GTF2F2: variants seen among roughly 807,000 people sequenced by gnomAD.
GTF2F2 encodes ATP-dependent helicase GTF2F2.
A neutral mutation model predicts 42.2 loss-of-function variants in GTF2F2; 23 were observed. The ratio of observed to expected loss-of-function variants is 0.55; its 90% CI spans 0.39 to 0.77. The LOEUF is 0.77. GTF2F2 is among the 30% of genes least tolerant of loss of function. The pLI is 0.00. For missense variants in GTF2F2, 261 were observed against 287.2 expected, an observed-to-expected ratio of 0.91 and a Z score of 0.66; for synonymous variants, 105 against 100.8, an observed-to-expected ratio of 1.04 and a Z score of -0.25.
chr13:45,280,985 A>T (rs1877238495), intron 7 of GTF2F2, among the ~76,000 whole-genome samples: 1 of 152,258 alleles, frequency 6.6e-6, no homozygotes, highest in Non-Finnish European at 1.5e-5. Flanking sequence ...TGGCACCTAA[A>T]CAGAGAATCA....
At chr13:45,163,656 C>T (rs1391813737) in intron 4 of GTF2F2, among the ~76,000 whole-genome samples, 2 of 152,048 alleles carry the variant, frequency 1.3e-5, no homozygotes, top group Non-Finnish European at 2.9e-5. Flanking sequence ...TTTCAAATAA[C>T]ATTGCCACTA....
intron 7 of GTF2F2, among the ~76,000 whole-genome samples, chr13:45,267,767 T>C (rs559950339): frequency 6.6e-6 from 1 of 152,022 alleles, no homozygotes; most frequent in African/African-American, 2.4e-5. Context: ...TGTTTTGTCA[T>C]TGTGGGAGGG....
At chr13:45,233,213 C>T (rs1405457688) in intron 5 of GTF2F2, among the ~76,000 whole-genome samples, 2 of 152,154 alleles carry the variant, frequency 1.3e-5, no homozygotes, top group Non-Finnish European at 2.9e-5. Context: ...CGAAAAGCCA[C>T]TGCATTCTAG....
chr13:45,177,324 G>A lies in GTF2F2; in HGVS notation c.304+25493G>A, dbSNP rs368577801. Among the ~76,000 whole-genome samples the A allele has an allele frequency of 2.3e-3, 354 of 152,176 alleles. 1 individual carries two copies. The highest frequency in any genetic ancestry group is 4.1e-3 in the Non-Finnish European group (277 of 68,024). On this transcript the variant is annotated intron_variant, in intron 4 of 7. Coordinates refer to ENST00000340473, the MANE Select transcript of GTF2F2 (RefSeq NM_004128.3). Reference sequence around the variant, plus strand: ...TTTGGTAGCAAAGTTATACAGTTGCGTCCCCTTACCACCTCCCATCTGCAG... The same window carrying A: ...TTTGGTAGCAAAGTTATACAGTTGCATCCCCTTACCACCTCCCATCTGCAG...
intron 7 of GTF2F2, among the ~76,000 whole-genome samples, chr13:45,276,689 C>T (rs775472148): frequency 5.6e-4 from 85 of 152,294 alleles, no homozygotes; most frequent in Non-Finnish European, 9.6e-4. Flanking sequence ...GATCCACCTG[C>T]CTCGGCCTCC....
chr13:45,189,772 G>A (rs532270242), intron 4 of GTF2F2, among the ~76,000 whole-genome samples: 2 of 152,092 alleles, frequency 1.3e-5, no homozygotes, highest in South Asian at 4.2e-4. Context: ...ATGAGCAAAG[G>A]CCATTGTGGT....
chr13:45,180,729 T>C (rs931803060), intron 4 of GTF2F2, among the ~76,000 whole-genome samples: 1 of 152,196 alleles, frequency 6.6e-6, no homozygotes, highest in Non-Finnish European at 1.5e-5. Context: ...ATTTAATTAA[T>C]TTTTTATTGT....
intron 7 of GTF2F2, among the ~76,000 whole-genome samples, 169 bp from the exon 8 acceptor site, chr13:45,283,273 A>G (rs1448285560): frequency 6.6e-6 from 1 of 152,214 alleles, no homozygotes; most frequent in African/African-American, 2.4e-5. Context: ...CATGTCGCAC[A>G]TGTAGAATCA....
intron 3 of GTF2F2, 60 bp from the exon 4 acceptor site, chr13:45,151,627 T>TAC: frequency 1.9e-6 from 2 of 1,037,658 alleles, no homozygotes; most frequent in Non-Finnish European, 1.4e-6. Flanking sequence ...AACAAAAATT[T>TAC]ATATATATAT....
Position 45,252,859 on chromosome 13 carries a change from A to G in GTF2F2, c.387-12A>G. On this transcript the variant is annotated splice_polypyrimidine_tract_variant and intron_variant, in intron 5 of 7. Transcript: ENST00000340473. Reference sequence around the variant, plus strand: ...AACAAGAGTGTTAATAATGCCTTATATTTTTTTTCAGATTGCAAATAGAAG... The same window carrying G: ...AACAAGAGTGTTAATAATGCCTTATGTTTTTTTTCAGATTGCAAATAGAAG... The G allele has an allele frequency of 8.3e-7, 1 of 1,206,552 alleles. No homozygotes were observed. 74.7% of individuals were successfully genotyped at this position (1,206,552 alleles called of 1,614,324 possible).
chr13:45,203,682 C>A (rs139571683), intron 4 of GTF2F2, among the ~76,000 whole-genome samples: 28 of 152,158 alleles, frequency 1.8e-4, no homozygotes, highest in Admixed American at 1.8e-3. Context: ...CTAATATAGA[C>A]AAGTTCTAGC....
chr13:45,216,746 T>C (rs1407503810), intron 5 of GTF2F2, among the ~76,000 whole-genome samples: 1 of 151,950 alleles, frequency 6.6e-6, no homozygotes, highest in Non-Finnish European at 1.5e-5. Flanking sequence ...CTCGAACTCC[T>C]GACCTCAAGT....
intron 6 of GTF2F2, among the ~76,000 whole-genome samples, chr13:45,264,750 G>T (rs1057427589): frequency 3.3e-5 from 5 of 152,084 alleles, no homozygotes; most frequent in African/African-American, 9.7e-5. Flanking sequence ...GTGACTCTGG[G>T]TTGGGACAAC....
At chr13:45,146,075 G>A (rs1870179591) in intron 2 of GTF2F2, among the ~76,000 whole-genome samples, 1 of 152,058 alleles carries the variant, frequency 6.6e-6, no homozygotes, top group African/African-American at 2.4e-5. Flanking sequence ...CACCCCAGTG[G>A]CATCCTCTTC....
At chr13:45,122,048 G>A (rs1329748378) in intron 1 of GTF2F2, among the ~76,000 whole-genome samples, 2 of 152,138 alleles carry the variant, frequency 1.3e-5, no homozygotes, top group Admixed American at 6.6e-5. Flanking sequence ...TGTATACCAT[G>A]GGGAATGGAA....
intron 7 of GTF2F2, among the ~76,000 whole-genome samples, chr13:45,273,128 A>G (rs1476794989): frequency 4.0e-5 from 6 of 151,292 alleles, no homozygotes; most frequent in African/African-American, 1.5e-4. Flanking sequence ...GGGTTTCACC[A>G]TCTTGGCCAG....
At chr13:45,213,683 T>G (rs561005801) in intron 5 of GTF2F2, among the ~76,000 whole-genome samples, 6 of 152,244 alleles carry the variant, frequency 3.9e-5, no homozygotes, top group African/African-American at 1.4e-4. Context: ...TCTTTTTTTT[T>G]TGTGTAAATA....
intron 4 of GTF2F2, among the ~76,000 whole-genome samples, chr13:45,195,202 A>C (rs1240377781): frequency 1.3e-5 from 2 of 152,170 alleles, no homozygotes; most frequent in African/African-American, 2.4e-5. Flanking sequence ...TTGGATTTGC[A>C]TATGATTCTG....
At chr13:45,275,475 C>T (rs1486624828) in intron 7 of GTF2F2, among the ~76,000 whole-genome samples, 1 of 129,808 alleles carries the variant, frequency 7.7e-6, no homozygotes, top group Non-Finnish European at 1.6e-5. Context: ...ACGACAGGCC[C>T]TAGTGTGTGA....
Sources: allele counts gnomAD v4.1 joint callset (sites outside exome capture counted in the v4.1 genomes callset), GRCh38; gene constraint gnomAD v4.1.1; transcripts MANE v1.5; gene names NCBI Gene and HGNC (gene_info 2026-07-23, HGNC 2026-07-21).